Variants in ITPRID1 observed in about 807,000 individuals in gnomAD.
ITPRID1 encodes the protein ITPR interacting domain containing 1.
In ITPRID1, 96 loss-of-function variants were observed where a neutral mutation model predicts 95.4. The ratio of observed to expected loss-of-function variants is 1.01; its 90% CI spans 0.85 to 1.19. The LOEUF (loss-of-function observed/expected upper bound fraction) is 1.19. Ranked by LOEUF, ITPRID1 falls within the 50% of genes most tolerant of loss-of-function variation. The probability of loss-of-function intolerance (pLI) is 0.00; values close to 1 mark genes in which losing one functional copy is unlikely to be tolerated. For synonymous variants in ITPRID1, 510 were observed against 453.6 expected (o/e 1.12, Z -1.58); for missense variants, 1,339 against 1,252.9 (o/e 1.07, Z -1.04).
chr7:31,536,885 C>G (rs1783774113), intron 1 of ITPRID1, among the ~76,000 whole-genome samples: 1 of 152,202 alleles, frequency 6.6e-6, no homozygotes, highest in Non-Finnish European at 1.5e-5. Flanking sequence ...TTCTCCTCCT[C>G]ACTTAGCCAT....
intron 10 of ITPRID1, among the ~76,000 whole-genome samples, chr7:31,619,041 C>T (rs886658380): frequency 6.6e-6 from 1 of 152,190 alleles, no homozygotes; most frequent in Admixed American, 6.5e-5. Context: ...CTGCTCTCTT[C>T]CCTGATTCCA....
chr7:31,577,922 A>G lies in ITPRID1; in HGVS notation c.658A>G (p.Ser220Gly), dbSNP rs140428776. The G allele has an allele frequency of 1.1e-5, 18 of 1,613,530 alleles. No homozygotes were observed. The African/African-American group carries it at 2.4e-4, about 22-fold the overall frequency. ...GACCAATGCCTTCTCATCTCTGCTG[A>G]GTGATGTCAGCATCCTGCCAAACAG... ...HVTNAFSSLL[S>G]DVSILPNRAE... Residue 220 changes from serine (S) to glycine (G), a missense_variant, in exon 9 of 15, where the codon AGT becomes GGT. Coordinates refer to ENST00000615280, the MANE Select transcript of ITPRID1 (RefSeq NM_001257967.3).
At chr7:31,522,588 G>A (rs971811198) in intron 1 of ITPRID1, among the ~76,000 whole-genome samples, 35 of 152,156 alleles carry the variant, frequency 2.3e-4, no homozygotes, top group African/African-American at 5.6e-4. Flanking sequence ...GCATTCTTTC[G>A]AGGATCCTTT....
chr7:31,531,342 T>G (rs1030520924), intron 1 of ITPRID1, among the ~76,000 whole-genome samples: 18 of 152,178 alleles, frequency 1.2e-4, no homozygotes, highest in Admixed American at 2.0e-4. Flanking sequence ...AAAATATTTT[T>G]AAGAGTACCT....
At position 31,643,131 on chromosome 7, in the gene ITPRID1, C is replaced by G; in HGVS notation, c.1761C>G (p.Gly587=). The G allele has an allele frequency of 6.2e-7, 1 of 1,613,922 alleles. No individual in the cohort carries two copies. The highest frequency in any genetic ancestry group is 8.5e-7 in the Non-Finnish European group (1 of 1,179,878). The stretch of plus-strand genomic sequence containing the variant: ...GTTTTGTGAGGCCTGAGGGAGCTGG[C>G]AAAGTGCAAAGCCACCACAATGAGT... ...QDSFVRPEGA[G]KVQSHHNESQ... The change falls in exon 12 of 15, where the codon GGC becomes GGG. Residue 587 remains glycine, a synonymous_variant. Coordinates refer to ENST00000615280, the MANE Select transcript of ITPRID1 (RefSeq NM_001257967.3).
In ITPRID1 at chr7:31,643,316, T is replaced by G; in HGVS notation, c.1946T>G (p.Ile649Ser). 6.2e-7 allele frequency: 1 copy of G among 1,613,888 alleles called. No homozygotes were observed. Among genetic ancestry groups the G allele is most frequent in the African/African-American group, 1.3e-5 (1 of 75,036 alleles). The part of the protein sequence containing the change: ...SSQCIPKHSE[I>S]TPYATDLAQT... ...CAGTGTATCCCCAAGCACAGTGAAA[T>G]CACACCTTATGCAACTGACCTTGCT... is the stretch of plus-strand genomic sequence containing the variant. The change falls in exon 12 of 15, where the codon ATC becomes AGC. Residue 649 changes from isoleucine (I) to serine (S), a missense_variant. Transcript: ENST00000615280.
chr7:31,642,068 G>A (rs1034155721), intron 10 of ITPRID1, 108 bp from the exon 11 acceptor site: 12 of 591,664 alleles, frequency 2.0e-5, no homozygotes, highest in Non-Finnish European at 3.4e-5. Flanking sequence ...CACACAGTGG[G>A]CATTTCTGCA....
chr7:31,569,791 CT>C lies in ITPRID1; in HGVS notation c.291del (p.Val98Ter). 6.3e-7 allele frequency: 1 copy of C among 1,586,550 alleles called. No homozygotes were observed. Among genetic ancestry groups the C allele is most frequent in the Non-Finnish European group, 8.6e-7 (1 of 1,165,190 alleles). Reference sequence around the variant, plus strand: ...TATGAACAAGGGATGGTTCAAATGACTGTGAAAGACTACATGAGGTAGGTAG... The same window carrying C: ...TATGAACAAGGGATGGTTCAAATGACGTGAAAGACTACATGAGGTAGGTAG... The part of the protein sequence containing the change: ...SLYEQGMVQM[T>X]VKDYMRSLHQ... On this transcript the variant is annotated frameshift_variant, in exon 6 of 15. Transcript: ENST00000615280. LOFTEE classifies it high-confidence loss of function.
chr7:31,533,519 AT>A (rs1174170462), intron 1 of ITPRID1, among the ~76,000 whole-genome samples: 6 of 151,982 alleles, frequency 3.9e-5, no homozygotes, highest in Non-Finnish European at 1.5e-5. Context: ...TTTGAATTTA[AT>A]TTTTCTTCTT....
At chr7:31,514,743 A>G (rs978830524) in intron 1 of ITPRID1, among the ~76,000 whole-genome samples, 4 of 152,216 alleles carry the variant, frequency 2.6e-5, no homozygotes, top group African/African-American at 9.7e-5. Flanking sequence ...GCTAATGAAT[A>G]AGATGTGTTA....
chr7:31,527,721 C>A (rs947966950), intron 1 of ITPRID1, among the ~76,000 whole-genome samples: 1 of 152,164 alleles, frequency 6.6e-6, no homozygotes, highest in Non-Finnish European at 1.5e-5. Context: ...AGAATCCTCT[C>A]CTTTTCCCAA....
chr7:31,609,937 G>A lies in ITPRID1; in HGVS notation c.1228+26746G>A, dbSNP rs944099482. ...TTTATAGCTAAAAATTCCCCTCAAA[G>A]CCTGCTTTTGCTGCATTCATACATT... On this transcript the variant is annotated intron_variant, in intron 10 of 14. Transcript: ENST00000615280. Among the ~76,000 whole-genome samples the A allele has an allele frequency of 2.2e-4, 33 of 151,294 alleles. No individual in the cohort carries two copies. The East Asian group carries it at 6.4e-3, about 29-fold the overall frequency.
chr7:31,623,450 A>G (rs1182125274), intron 10 of ITPRID1, among the ~76,000 whole-genome samples: 2 of 151,790 alleles, frequency 1.3e-5, no homozygotes, highest in Non-Finnish European at 2.9e-5. Flanking sequence ...CTGGTTCAAT[A>G]TACGCAAATC....
chr7:31,606,977 A>G (rs1212078311), intron 10 of ITPRID1, among the ~76,000 whole-genome samples: 1 of 151,992 alleles, frequency 6.6e-6, no homozygotes, highest in African/African-American at 2.4e-5. Context: ...CCTGGATAAG[A>G]TGTTTTCCAA....
rs70986698 is a variant in ITPRID1 at position 31,654,053 on chromosome 7, CAA to C, written c.*1242_*1243del. Among the ~76,000 whole-genome samples, 76,306 of 130,500 alleles carry C rather than the reference CAA, an allele frequency of 0.58. 21,973 individuals carry two copies. Among genetic ancestry groups the C allele is most frequent in the African/African-American group, 0.61 (21,439 of 35,266 alleles). The allele number at this position is 130,500 out of a possible 152,430, so 85.6% of individuals were successfully genotyped here. ...GAAAGAGTTGGATGAAGAGTAAGTC[CAA>C]AAAAAAAAAAAAAAAAACCAACAAG... is the stretch of plus-strand genomic sequence containing the variant. On this transcript the variant is annotated 3_prime_UTR_variant, in exon 15 of 15. Transcript: ENST00000615280.
intron 14 of ITPRID1, 77 bp from the exon 15 acceptor site, chr7:31,652,440 TA>T: frequency 6.7e-7 from 1 of 1,494,196 alleles, no homozygotes. Context: ...TCATAATGCC[TA>T]GCTCACAAGT....
chr7:31,514,695 A>C (rs1410925748), intron 1 of ITPRID1, among the ~76,000 whole-genome samples: 1 of 152,186 alleles, frequency 6.6e-6, no homozygotes, highest in Admixed American at 6.5e-5. Flanking sequence ...ACAAGTCAGA[A>C]TAGTATGTTG....
At chr7:31,649,578 G>A (rs190394627) in intron 12 of ITPRID1, among the ~76,000 whole-genome samples, 95 of 152,324 alleles carry the variant, frequency 6.2e-4, no homozygotes, top group African/African-American at 1.7e-3. Flanking sequence ...AAGATTGTGA[G>A]TAGTCAACTA....
intron 10 of ITPRID1, among the ~76,000 whole-genome samples, chr7:31,589,085 G>A (rs937972671): frequency 1.3e-5 from 2 of 151,686 alleles, no homozygotes; most frequent in Non-Finnish European, 2.9e-5. Flanking sequence ...GGATGTAGAG[G>A]AAAATATGCT....
Sources: gnomAD v4.1 joint callset for allele counts (sites outside exome capture counted in the v4.1 genomes callset) on GRCh38, gnomAD v4.1.1 for gene constraint, MANE v1.5 for transcripts, NCBI Gene and HGNC (gene_info 2026-07-23, HGNC 2026-07-21) for gene names.